The following LPIN2 variants were observed in gnomAD, a reference collection of about 807,000 sequenced individuals.
LPIN2 encodes the protein lipin 2.
In LPIN2, 55 loss-of-function variants were observed where a neutral mutation model predicts 111.4. That is an observed-to-expected ratio of 0.49 (90% CI 0.40 to 0.62). LPIN2 has a LOEUF of 0.62. Among genes scored for constraint, LPIN2 ranks in the 20% least tolerant of loss-of-function variants. LPIN2 has a pLI of 0.00. For missense variants in LPIN2, 992 were observed against 1,112.1 expected, an observed-to-expected ratio of 0.89 and a Z score of 1.54; for synonymous variants, 425 against 414.0, an observed-to-expected ratio of 1.03 and a Z score of -0.32.
At chr18:2,964,054 A>G (rs2852149) in intron 1 of LPIN2, among the ~76,000 whole-genome samples, 143,451 of 151,744 alleles carry the variant, frequency 0.95, 68,179 homozygotes, top group Non-Finnish European at 0.99. Flanking sequence ...GGCTGAGGCA[A>G]GCAGATCACT....
At chr18:3,004,472 T>C (rs1238783286) in intron 1 of LPIN2, among the ~76,000 whole-genome samples, 1 of 152,160 alleles carries the variant, frequency 6.6e-6, no homozygotes, top group East Asian at 1.9e-4. Context: ...TGGGGGCTGG[T>C]TCCCCCGATA....
At chr18:2,945,164 T>C (rs1432522146) in intron 4 of LPIN2, among the ~76,000 whole-genome samples, 1 of 152,192 alleles carries the variant, frequency 6.6e-6, no homozygotes, top group African/African-American at 2.4e-5. Flanking sequence ...TTCATTAAAA[T>C]TGGACATTCA....
chr18:2,996,063 G>C (rs189209227), intron 1 of LPIN2, among the ~76,000 whole-genome samples: 1 of 152,072 alleles, frequency 6.6e-6, no homozygotes, highest in Admixed American at 6.6e-5. Context: ...TGTTACGGCC[G>C]GGCGCTGTGG....
intron 1 of LPIN2, among the ~76,000 whole-genome samples, chr18:2,977,621 G>GT (rs2078042201): frequency 6.6e-6 from 1 of 152,074 alleles, no homozygotes; most frequent in African/African-American, 2.4e-5. Flanking sequence ...AAGAGCAAAC[G>GT]TATGTCAGAG....
chr18:2,957,588 A>C (rs2077632132), intron 2 of LPIN2, among the ~76,000 whole-genome samples: 1 of 152,170 alleles, frequency 6.6e-6, no homozygotes, highest in South Asian at 2.1e-4. Flanking sequence ...GGTCCCAGAG[A>C]TATGTCCGTT....
At chr18:2,980,035 C>T (rs1486229686) in intron 1 of LPIN2, among the ~76,000 whole-genome samples, 1 of 152,166 alleles carries the variant, frequency 6.6e-6, no homozygotes, top group Non-Finnish European at 1.5e-5. Context: ...ACTCCTAAAA[C>T]TTAGGGGAGT....
chr18:2,921,236 G>A (rs1237341784), intron 18 of LPIN2: 2 of 554,230 alleles, frequency 3.6e-6, no homozygotes, highest in Non-Finnish European at 6.4e-6. Flanking sequence ...GGTGATCCAA[G>A]GACGCAGCTC....
intron 1 of LPIN2, among the ~76,000 whole-genome samples, chr18:2,992,030 C>T (rs1031274109): frequency 6.7e-5 from 10 of 148,774 alleles, no homozygotes; most frequent in African/African-American, 2.5e-4. Flanking sequence ...AAGTATAATA[C>T]AATAAAAAAT....
At chr18:2,928,698 T>C (rs771448397) in intron 10 of LPIN2, 38 bp from the exon 11 acceptor site, 52 of 1,510,926 alleles carry the variant, frequency 3.4e-5, no homozygotes, top group Non-Finnish European at 4.5e-5. Context: ...CATTACACAG[T>C]GAAAGTGAGC....
chr18:2,958,866 T>C (rs1307272013), intron 2 of LPIN2, among the ~76,000 whole-genome samples: 2 of 152,070 alleles, frequency 1.3e-5, no homozygotes, highest in Non-Finnish European at 2.9e-5. Context: ...TAAATACATC[T>C]GCCTTCAGGT....
chr18:3,009,384 CAAAA>C (rs1225401513), intron 1 of LPIN2, among the ~76,000 whole-genome samples: 1 of 151,034 alleles, frequency 6.6e-6, no homozygotes, highest in Non-Finnish European at 1.5e-5. Context: ...GGGTTACAAA[CAAAA>C]AAACACTAGT....
At position 2,968,715 on chromosome 18, in the gene LPIN2, TG is replaced by T. The variant is rs1482975133; in HGVS notation, c.-9-7867del. 2.6e-5 allele frequency among the ~76,000 whole-genome samples: 4 copies of T among 152,218 alleles called. No homozygotes were observed. The East Asian group carries it at 7.7e-4, about 29-fold the overall frequency. ...AGTCCCAGGCAGAGAGAACAGCTTA[TG>T]GGAAAGTGTGCTAAGTTTGAGGGAC... On this transcript the variant is annotated intron_variant, in intron 1 of 19. Transcript: ENST00000677752.
chr18:3,006,762 G>A (rs147462789), intron 1 of LPIN2, among the ~76,000 whole-genome samples: 114 of 152,072 alleles, frequency 7.5e-4, no homozygotes, highest in Admixed American at 2.8e-3. Flanking sequence ...GCATGAACCC[G>A]GGAGGCGGAG....
At chr18:2,993,172 G>GAAGGAAGAAAGAAGA (rs2078292257) in intron 1 of LPIN2, among the ~76,000 whole-genome samples, 1 of 145,426 alleles carries the variant, frequency 6.9e-6, no homozygotes, top group African/African-American at 2.6e-5. Flanking sequence ...AAGAAAGGAA[G>GAAGGAAGAAAGAAGA]AAGGAAAAAA....
At chr18:2,957,411 T>C (rs957441027) in intron 2 of LPIN2, among the ~76,000 whole-genome samples, 1 of 152,144 alleles carries the variant, frequency 6.6e-6, no homozygotes, top group Admixed American at 6.5e-5. Context: ...AACCAGTAAG[T>C]ATAGTGTAAA....
At chr18:2,960,345 T>C (rs2077692933) in intron 2 of LPIN2, among the ~76,000 whole-genome samples, 1 of 152,084 alleles carries the variant, frequency 6.6e-6, no homozygotes, top group Admixed American at 6.5e-5. Flanking sequence ...CCCCATCTAG[T>C]TTCTGTTTTG....
At chr18:2,989,119 T>C (rs1412148854) in intron 1 of LPIN2, among the ~76,000 whole-genome samples, 1 of 152,230 alleles carries the variant, frequency 6.6e-6, no homozygotes. Context: ...AAGACAGATT[T>C]GCTTTATCCC....
In LPIN2 at chr18:2,934,435, C is replaced by T. The variant is rs1355919078; in HGVS notation, c.1184G>A (p.Ser395Asn). ...PSKKKGVHKRSQHQGPDDIYL... is the reference protein window; with the variant it reads ...PSKKKGVHKRNQHQGPDDIYL... ...AATATCATCAGGTCCCTGGTGTTGG[C>T]TTCTTTTGTGAACACCTGTTTAAAA... The change falls in exon 8 of 20, where the codon AGC becomes AAC. Residue 395 changes from serine to asparagine, a missense_variant. By Grantham distance (46) the Ser-to-Asn change is conservative (BLOSUM62 1). Transcript: ENST00000677752. 2.5e-6 allele frequency: 4 copies of T among 1,612,384 alleles called. No homozygotes were observed. Among genetic ancestry groups the T allele is most frequent in the Non-Finnish European group, 3.4e-6 (4 of 1,178,714 alleles).
At chr18:2,947,221 G>A (rs1308684573) in intron 4 of LPIN2, among the ~76,000 whole-genome samples, 1 of 152,210 alleles carries the variant, frequency 6.6e-6, no homozygotes, top group East Asian at 1.9e-4. Context: ...TGCTATTGCT[G>A]GGTATTTGAA....
Sources: allele counts gnomAD v4.1 joint callset (sites outside exome capture counted in the v4.1 genomes callset), GRCh38; gene constraint gnomAD v4.1.1; transcripts MANE v1.5; gene names NCBI Gene and HGNC (gene_info 2026-07-23, HGNC 2026-07-21).